Variants in LOXL1 observed in about 807,000 individuals in gnomAD.
LOXL1 encodes the protein lysyl oxidase like 1, also known as lysyl oxidase homolog 1.
In LOXL1, 31 loss-of-function variants were observed where a neutral mutation model predicts 62.2. The ratio of observed to expected loss-of-function variants is 0.50; its 90% CI spans 0.37 to 0.67. LOXL1 has a LOEUF of 0.67. Ranked by LOEUF, LOXL1 falls within the 30% of genes least tolerant of loss-of-function variation. The probability of loss-of-function intolerance (pLI) is 0.00; values close to 1 mark genes in which losing one functional copy is unlikely to be tolerated. For synonymous variants in LOXL1, 403 were observed against 384.4 expected (o/e 1.05, Z -0.56); for missense variants, 775 against 843.4 (o/e 0.92, Z 1.00).
chr15:73,939,230 TG>T (rs1272386127), intron 1 of LOXL1, among the ~76,000 whole-genome samples: 1 of 152,158 alleles, frequency 6.6e-6, no homozygotes, highest in African/African-American at 2.4e-5. Flanking sequence ...AAATGTCCCC[TG>T]GGAGAGCTGC....
Position 73,949,531 on chromosome 15 carries a change from TA to T in LOXL1, c.1676del (p.Tyr559SerfsTer110). 6.2e-7 allele frequency: 1 copy of T among 1,614,154 alleles called. No individual in the cohort carries two copies. Among genetic ancestry groups the T allele is most frequent in the Non-Finnish European group, 8.5e-7 (1 of 1,179,980 alleles). On this transcript the variant is annotated frameshift_variant, in exon 6 of 7. Coordinates refer to ENST00000261921, the MANE Select transcript of LOXL1 (RefSeq NM_005576.4). LOFTEE classifies it high-confidence loss of function. ...CAACGTGGTGAGATGCAACATTCAC[TA>T]CACAGGTCGCTACGTTTCTGCAACA... ...TNNVVRCNIH[Y>X]TGRYVSATNC...
chr15:73,940,489 C>A (rs1363896301), intron 1 of LOXL1, among the ~76,000 whole-genome samples: 1 of 151,608 alleles, frequency 6.6e-6, no homozygotes, highest in Non-Finnish European at 1.5e-5. Flanking sequence ...GAGCTTTAGT[C>A]CATCATCAGG....
At chr15:73,938,932 A>T (rs914940002) in intron 1 of LOXL1, among the ~76,000 whole-genome samples, 1 of 152,096 alleles carries the variant, frequency 6.6e-6, no homozygotes, top group Admixed American at 6.6e-5. Context: ...ATGTACCTTC[A>T]CCAGGTCCAG....
Position 73,935,976 on chromosome 15 carries a change from C to T in LOXL1, c.1103-6878C>T, listed in dbSNP as rs1454816127. 4.7e-4 allele frequency among the ~76,000 whole-genome samples: 13 copies of T among 27,838 alleles called. No homozygotes were observed. The East Asian group carries it at 5.0e-3, about 11-fold the overall frequency. The allele number at this position is 27,838 out of a possible 152,430, so 18.3% of individuals were successfully genotyped here. On this transcript the variant is annotated intron_variant, in intron 1 of 6. Transcript: ENST00000261921. The stretch of plus-strand genomic sequence containing the variant: ...GTGTGTGTGTGTGTGTGTGTGTGTA[C>T]GCGCATGCACATGCATAGCTGGGAA...
In LOXL1 at chr15:73,927,810, G is replaced by A. The variant is rs2068600205; in HGVS notation, c.1027G>A (p.Gly343Ser). 30 of 1,368,538 alleles carry A rather than the reference G, an allele frequency of 2.2e-5. No individual in the cohort carries two copies. The highest frequency in any genetic ancestry group is 2.8e-5 in the Non-Finnish European group (30 of 1,069,824). The allele number at this position is 1,368,538 out of a possible 1,614,324, so 84.8% of individuals were successfully genotyped here. A position where few individuals can be genotyped will look rare whatever the true frequency, so the allele number is the denominator to read the frequency against. Residue 343 changes from glycine (G) to serine (S), a missense_variant, in exon 1 of 7, where the codon GGT becomes AGT. By Grantham distance (56) the Gly-to-Ser change is moderately conservative (BLOSUM62 0). Transcript: ENST00000261921. Reference protein sequence around the residue: ...PVRSSDTPPPGGERNGAQQGR... With the variant: ...PVRSSDTPPPSGERNGAQQGR... ...GCGCAGCTCCGACACGCCCCCGCCG[G>A]GTGGGGAGCGGAACGGCGCGCAGCA...
chr15:73,948,308 C>A (rs2068761693), intron 5 of LOXL1, among the ~76,000 whole-genome samples: 1 of 152,198 alleles, frequency 6.6e-6, no homozygotes, highest in South Asian at 2.1e-4. Context: ...CCCTGCAAAG[C>A]CAAGGGCTCC....
At chr15:73,942,324 A>G (rs2068719687) in intron 1 of LOXL1, among the ~76,000 whole-genome samples, 2 of 151,748 alleles carry the variant, frequency 1.3e-5, no homozygotes, top group Admixed American at 6.6e-5. Flanking sequence ...GGCTCTGCCC[A>G]TGAACCTTCA....
intron 4 of LOXL1, chr15:73,947,559 G>C (rs2068756915): frequency 5.8e-6 from 3 of 513,340 alleles, no homozygotes; most frequent in Non-Finnish European, 1.0e-5. Flanking sequence ...CTGTCCATCT[G>C]TCCTGTCTCT....
At chr15:73,946,357 T>C (rs1263902241) in intron 2 of LOXL1, 60 bp from the exon 3 acceptor site, 9 of 1,298,810 alleles carry the variant, frequency 6.9e-6, no homozygotes, top group Non-Finnish European at 8.8e-6. Context: ...AGGGGGCCCA[T>C]GCTGGGTTCT....
intron 6 of LOXL1, among the ~76,000 whole-genome samples, chr15:73,950,952 C>T (rs573455209): frequency 2.0e-5 from 3 of 152,350 alleles, no homozygotes; most frequent in South Asian, 2.1e-4. Context: ...TTTGAAAGGA[C>T]GAACTCCTGT....
At position 73,927,863 on chromosome 15, in the gene LOXL1, C is replaced by G. The variant is rs1367501020; in HGVS notation, c.1080C>G (p.Tyr360Ter). The change falls in exon 1 of 7, where the codon TAC (tyrosine) becomes TAG (stop). Residue 360 changes from tyrosine to a stop codon, truncating the protein, a stop_gained. Transcript: ENST00000261921. LOFTEE classifies it high-confidence loss of function. ...GCCGCCTCAGCGTGGGCAGCGTGTA[C>G]CGGCCCAACCAGAACGGCCGCGGTG... ...QQGRLSVGSV[Y>*]RPNQNGRGLP... 6 of 1,325,564 alleles carry G rather than the reference C, an allele frequency of 4.5e-6. No homozygotes were observed. The highest frequency in any genetic ancestry group is 3.8e-6 in the Non-Finnish European group (4 of 1,045,006). 82.1% of individuals were successfully genotyped at this position (1,325,564 alleles called of 1,614,324 possible).
chr15:73,950,886 A>G (rs979826914), intron 6 of LOXL1, among the ~76,000 whole-genome samples: 4 of 152,214 alleles, frequency 2.6e-5, no homozygotes, highest in Admixed American at 2.6e-4. Flanking sequence ...TTCAGTGCAG[A>G]GATTAGGTTC....
At chr15:73,934,679 TATTC>T (rs376914111) in intron 1 of LOXL1, among the ~76,000 whole-genome samples, 42 of 152,368 alleles carry the variant, frequency 2.8e-4, no homozygotes, top group African/African-American at 1.0e-3. Flanking sequence ...TAGAGCTGGG[TATTC>T]ATTCGTGAAA....
intron 1 of LOXL1, among the ~76,000 whole-genome samples, chr15:73,934,784 T>A (rs2068659309): frequency 6.6e-6 from 1 of 152,184 alleles, no homozygotes; most frequent in Non-Finnish European, 1.5e-5. Flanking sequence ...TACTAAGTGC[T>A]GTGGAAAAAT....
At chr15:73,948,657 C>T (rs1012102844) in intron 5 of LOXL1, among the ~76,000 whole-genome samples, 1 of 152,220 alleles carries the variant, frequency 6.6e-6, no homozygotes, top group African/African-American at 2.4e-5. Flanking sequence ...CATCCGGCAG[C>T]GGTTCTCTGC....
chr15:73,947,383 T>C (rs961308423), intron 4 of LOXL1, 160 bp downstream of exon 4: 27 of 688,180 alleles, frequency 3.9e-5, no homozygotes, highest in Admixed American at 3.1e-5. Flanking sequence ...CACACTGCCC[T>C]GCAGGGACTG....
chr15:73,936,258 A>G (rs2068671541), intron 1 of LOXL1, among the ~76,000 whole-genome samples: 1 of 152,090 alleles, frequency 6.6e-6, no homozygotes, highest in African/African-American at 2.4e-5. Flanking sequence ...TATGGGGCAA[A>G]GTGGAATCTG....
Position 73,927,191 on chromosome 15 carries a change from C to T in LOXL1, c.408C>T (p.Ser136=). ...GGCGCGAGGTGGCCGTCGGGGACAG[C>T]ACGGGCATGGCCCGGGCCCGCACCT... ...DNWREVAVGD[S]TGMARARTSV... Residue 136 remains serine (S), a synonymous_variant, in exon 1 of 7, where the codon AGC becomes AGT. Coordinates refer to ENST00000261921, the MANE Select transcript of LOXL1 (RefSeq NM_005576.4). The T allele has an allele frequency of 1.3e-6, 2 of 1,573,700 alleles. No individual in the cohort carries two copies. The highest frequency in any genetic ancestry group is 1.7e-6 in the Non-Finnish European group (2 of 1,164,930).
chr15:73,942,963 G>A lies in LOXL1; in HGVS notation c.1211+1G>A. 3 of 1,611,192 alleles carry A rather than the reference G, an allele frequency of 1.9e-6. No homozygotes were observed. Among genetic ancestry groups the A allele is most frequent in the Non-Finnish European group, 2.5e-6 (3 of 1,177,430 alleles). On this transcript the variant is annotated splice_donor_variant, in intron 2 of 6. Coordinates refer to ENST00000261921, the MANE Select transcript of LOXL1 (RefSeq NM_005576.4). LOFTEE classifies it high-confidence loss of function. ...CTGCGGAGGAGAAGTGTCTGGCCAG[G>A]TAAGGAGCTGAGGCAGAAGTGTAGA...
Sources: gnomAD v4.1 joint callset for allele counts (sites outside exome capture counted in the v4.1 genomes callset) on GRCh38, gnomAD v4.1.1 for gene constraint, MANE v1.5 for transcripts, NCBI Gene and HGNC (gene_info 2026-07-23, HGNC 2026-07-21) for gene names.